CNTN5: variants seen among roughly 807,000 people sequenced by gnomAD.
CNTN5 encodes contactin-5.
In CNTN5, 77 loss-of-function variants were observed where a neutral mutation model predicts 129.1. The ratio of observed to expected loss-of-function variants is 0.60; its 90% CI spans 0.50 to 0.72. CNTN5 has a LOEUF of 0.72. CNTN5 is among the 30% of genes least tolerant of loss of function. CNTN5 has a pLI of 0.00. For synonymous variants in CNTN5, 509 were observed against 465.6 expected (o/e 1.09, Z -1.20); for missense variants, 1,478 against 1,328.8 (o/e 1.11, Z -1.75).
At chr11:99,672,820 A>G (rs1953105495) in intron 3 of CNTN5, among the ~76,000 whole-genome samples, 1 of 151,846 alleles carries the variant, frequency 6.6e-6, no homozygotes, top group Non-Finnish European at 1.5e-5. Flanking sequence ...TTTCTTGGCT[A>G]TGGGGAGGAG....
intron 1 of CNTN5, among the ~76,000 whole-genome samples, chr11:99,184,652 T>C (rs1196467116): frequency 6.6e-6 from 1 of 152,118 alleles, no homozygotes; most frequent in Non-Finnish European, 1.5e-5. Context: ...TCCATGATTA[T>C]CAAGAAGTGC....
intron 13 of CNTN5, among the ~76,000 whole-genome samples, chr11:100,093,699 C>G (rs1355573917): frequency 6.6e-6 from 1 of 152,082 alleles, no homozygotes; most frequent in East Asian, 1.9e-4. Flanking sequence ...GGGCCACAAT[C>G]AGGACCTCAT....
Position 100,349,548 on chromosome 11 carries a change from C to T in CNTN5, c.3031-1154C>T, listed in dbSNP as rs555599791. On this transcript the variant is annotated intron_variant, in intron 23 of 24. Transcript: ENST00000524871. ...ATACAGTAGAATAAATTGAAGTTTA[C>T]AAAATTTAGTAACTTGCCCAAATTT... 3.9e-5 allele frequency among the ~76,000 whole-genome samples: 6 copies of T among 151,910 alleles called. No homozygotes were observed. The South Asian group carries it at 1.2e-3, about 32-fold the overall frequency.
At chr11:100,072,391 C>A (rs1460552937) in intron 12 of CNTN5, among the ~76,000 whole-genome samples, 1 of 152,158 alleles carries the variant, frequency 6.6e-6, no homozygotes, top group Non-Finnish European at 1.5e-5. Context: ...AAGAATGTAA[C>A]CCAGGCACTG....
At chr11:99,077,686 G>A (rs1049062785) in intron 1 of CNTN5, among the ~76,000 whole-genome samples, 12 of 152,282 alleles carry the variant, frequency 7.9e-5, no homozygotes, top group African/African-American at 2.9e-4. Context: ...AAGAAAGCAG[G>A]TGGAAGTAAT....
chr11:100,291,385 T>A (rs1950965251), intron 18 of CNTN5, among the ~76,000 whole-genome samples: 1 of 149,568 alleles, frequency 6.7e-6, no homozygotes, highest in Non-Finnish European at 1.5e-5. Flanking sequence ...TAGACTGGAT[T>A]AAGAAAATGT....
chr11:100,263,227 A>T (rs1370314481), intron 17 of CNTN5, among the ~76,000 whole-genome samples: 2 of 152,142 alleles, frequency 1.3e-5, no homozygotes, highest in African/African-American at 4.8e-5. Flanking sequence ...CTGAGTAACA[A>T]CTGTGTTTTT....
intron 1 of CNTN5, among the ~76,000 whole-genome samples, chr11:99,220,904 C>T (rs576621454): frequency 1.0e-3 from 159 of 151,980 alleles, no homozygotes; most frequent in African/African-American, 3.6e-3. Flanking sequence ...GCTTTTTAGT[C>T]TACTAAGTGG....
chr11:99,557,793 T>G (rs983682089), intron 3 of CNTN5, among the ~76,000 whole-genome samples: 2 of 151,766 alleles, frequency 1.3e-5, no homozygotes, highest in South Asian at 2.1e-4. Context: ...AGAATTTCTT[T>G]ATATACAGAA....
At chr11:99,183,806 A>G (rs1042743913) in intron 1 of CNTN5, among the ~76,000 whole-genome samples, 4 of 152,096 alleles carry the variant, frequency 2.6e-5, no homozygotes, top group Admixed American at 6.6e-5. Flanking sequence ...CTTACTAGAT[A>G]TTTATTTGCT....
Position 99,448,486 on chromosome 11 carries a change from G to C in CNTN5, c.-70-107659G>C, listed in dbSNP as rs114390434. ...ATAAATAGAAACCAAGAACAGTTTA[G>C]AAACCTTTCGATTTTATAAACATTA... On this transcript the variant is annotated intron_variant, in intron 2 of 24. Coordinates refer to ENST00000524871, the MANE Select transcript of CNTN5 (RefSeq NM_014361.4). 1.7e-3 allele frequency among the ~76,000 whole-genome samples: 262 copies of C among 152,056 alleles called. 1 individual carries two copies. Among genetic ancestry groups the C allele is most frequent in the African/African-American group, 5.9e-3 (246 of 41,532 alleles).
intron 21 of CNTN5, among the ~76,000 whole-genome samples, chr11:100,323,861 A>G (rs1951742326): frequency 6.6e-6 from 1 of 151,328 alleles, no homozygotes; most frequent in Non-Finnish European, 1.5e-5. Flanking sequence ...TTTGGCTTTT[A>G]TTTTTTTCCA....
At chr11:99,260,946 GA>G (rs1174509770) in intron 1 of CNTN5, among the ~76,000 whole-genome samples, 1 of 151,942 alleles carries the variant, frequency 6.6e-6, no homozygotes, top group Non-Finnish European at 1.5e-5. Context: ...ACTCTTAGTT[GA>G]ATGGTATTGC....
At chr11:99,082,629 C>A (rs1216109448) in intron 1 of CNTN5, among the ~76,000 whole-genome samples, 1 of 152,098 alleles carries the variant, frequency 6.6e-6, no homozygotes, top group Non-Finnish European at 1.5e-5. Flanking sequence ...AATTCTTTGG[C>A]CTGTGAGTTT....
chr11:99,975,386 A>C (rs1207657907), intron 8 of CNTN5, among the ~76,000 whole-genome samples: 5 of 152,196 alleles, frequency 3.3e-5, no homozygotes, highest in Non-Finnish European at 7.4e-5. Context: ...GGGAGCATTT[A>C]CCCAGTGCCT....
intron 15 of CNTN5, among the ~76,000 whole-genome samples, chr11:100,211,240 G>A (rs1949023628): frequency 6.6e-6 from 1 of 152,102 alleles, no homozygotes; most frequent in African/African-American, 2.4e-5. Context: ...TGCTTTTGAG[G>A]TTTTGGAACT....
chr11:99,934,109 TTTC>T (rs1328226575), intron 7 of CNTN5, among the ~76,000 whole-genome samples: 1 of 152,236 alleles, frequency 6.6e-6, no homozygotes, highest in East Asian at 1.9e-4. Flanking sequence ...AATATATGTT[TTTC>T]TTCTGTGTGA....
At chr11:99,456,352 A>G (rs1046095271) in intron 2 of CNTN5, among the ~76,000 whole-genome samples, 3 of 152,138 alleles carry the variant, frequency 2.0e-5, no homozygotes, top group African/African-American at 7.2e-5. Context: ...GGAAAAATAT[A>G]TATTGCTAAT....
At chr11:100,052,829 T>C (rs994364384) in intron 9 of CNTN5, among the ~76,000 whole-genome samples, 2 of 151,716 alleles carry the variant, frequency 1.3e-5, no homozygotes, top group Non-Finnish European at 1.5e-5. Flanking sequence ...CTAAAAGTAA[T>C]GATAATCAAG....
Sources: allele counts gnomAD v4.1 joint callset (sites outside exome capture counted in the v4.1 genomes callset), GRCh38; gene constraint gnomAD v4.1.1; transcripts MANE v1.5; gene names NCBI Gene and HGNC (gene_info 2026-07-23, HGNC 2026-07-21).